The following INPP4B variants were observed in gnomAD, a reference collection of about 807,000 sequenced individuals.
The protein encoded by INPP4B is inositol polyphosphate 4-phosphatase type II.
A neutral mutation model predicts 122.5 loss-of-function variants in INPP4B; 55 were observed. That is an observed-to-expected ratio of 0.45 (90% CI 0.36 to 0.56). INPP4B has a LOEUF of 0.56. INPP4B is among the 20% of genes least tolerant of loss of function. The pLI is 0.00. For missense variants in INPP4B, 1,000 were observed against 1,097.7 expected (o/e 0.91, Z 1.26); for synonymous variants, 403 against 388.7 (o/e 1.04, Z -0.43).
At chr4:142,373,048 T>G (rs1280496365) in intron 7 of INPP4B, among the ~76,000 whole-genome samples, 1 of 152,038 alleles carries the variant, frequency 6.6e-6, no homozygotes, top group East Asian at 1.9e-4. Flanking sequence ...ACTGAATCAT[T>G]TATATTCTAT....
At chr4:142,375,724 T>C (rs1476342706) in intron 7 of INPP4B, among the ~76,000 whole-genome samples, 2 of 151,984 alleles carry the variant, frequency 1.3e-5, no homozygotes, top group Non-Finnish European at 2.9e-5. Context: ...CTTAGAACTT[T>C]TGCATTTATC....
intron 10 of INPP4B, among the ~76,000 whole-genome samples, chr4:142,266,992 T>A (rs995360336): frequency 6.6e-6 from 1 of 152,078 alleles, no homozygotes; most frequent in African/African-American, 2.4e-5. Flanking sequence ...TATAAGTAAA[T>A]TTAACCAAGG....
chr4:142,566,100 C>G (rs905255702), intron 2 of INPP4B: 7 of 152,064 alleles, frequency 4.6e-5, no homozygotes, highest in African/African-American at 1.7e-4. Context: ...GGCCTTCATT[C>G]AGTTCACAAA....
At chr4:142,168,141 C>T (rs145122291) in intron 16 of INPP4B, among the ~76,000 whole-genome samples, 2 of 151,366 alleles carry the variant, frequency 1.3e-5, no homozygotes, top group Non-Finnish European at 3.0e-5. Context: ...TTTTCAGCAA[C>T]TTGATTATGA....
At chr4:142,612,330 A>G (rs1212901799) in intron 2 of INPP4B, among the ~76,000 whole-genome samples, 1 of 152,232 alleles carries the variant, frequency 6.6e-6, no homozygotes, top group Non-Finnish European at 1.5e-5. Context: ...TAGAATAACT[A>G]AGAAAGTAAT....
At chr4:142,284,385 A>G (rs1258551056) in intron 9 of INPP4B, among the ~76,000 whole-genome samples, 1 of 152,200 alleles carries the variant, frequency 6.6e-6, no homozygotes, top group African/African-American at 2.4e-5. Context: ...AACACTAGAC[A>G]GAAGACGAGT....
At chr4:142,439,300 C>T (rs1050890277) in intron 3 of INPP4B, among the ~76,000 whole-genome samples, 1 of 152,146 alleles carries the variant, frequency 6.6e-6, no homozygotes, top group African/African-American at 2.4e-5. Context: ...TAATTCTCCC[C>T]CTTCCGTCTC....
intron 9 of INPP4B, among the ~76,000 whole-genome samples, chr4:142,281,869 T>A (rs1005307832): frequency 6.6e-6 from 1 of 152,032 alleles, no homozygotes; most frequent in African/African-American, 2.4e-5. Flanking sequence ...TGACAACACA[T>A]AATAAAATCA....
chr4:142,255,631 A>C (rs573164256), intron 11 of INPP4B, among the ~76,000 whole-genome samples: 1 of 152,368 alleles, frequency 6.6e-6, no homozygotes, highest in East Asian at 1.9e-4. Flanking sequence ...TGGTAAATGG[A>C]TCAATTCATC....
At chr4:142,769,993 C>CA (rs901228653) in intron 1 of INPP4B, among the ~76,000 whole-genome samples, 3 of 152,096 alleles carry the variant, frequency 2.0e-5, no homozygotes, top group Non-Finnish European at 4.4e-5. Context: ...TACTCATTGA[C>CA]AAATCTGTTT....
At chr4:142,612,704 C>T (rs1429737458) in intron 2 of INPP4B, among the ~76,000 whole-genome samples, 4 of 152,048 alleles carry the variant, frequency 2.6e-5, no homozygotes, top group Non-Finnish European at 5.9e-5. Flanking sequence ...TCCCTGGGGC[C>T]TTTTTTATGA....
intron 1 of INPP4B, chr4:142,766,951 C>T (rs1473714605): frequency 6.6e-6 from 1 of 152,126 alleles, no homozygotes; most frequent in Non-Finnish European, 1.5e-5. Context: ...ACAGTAAGAG[C>T]AGCCACTTTA....
At chr4:142,756,376 CAATT>C (rs1378727438) in intron 1 of INPP4B, among the ~76,000 whole-genome samples, 1 of 151,990 alleles carries the variant, frequency 6.6e-6, no homozygotes, top group Admixed American at 6.6e-5. Context: ...CTAGGTAAGA[CAATT>C]AATCCTCTTA....
chr4:142,697,971 C>A (rs1469650043), intron 2 of INPP4B, among the ~76,000 whole-genome samples: 1 of 152,076 alleles, frequency 6.6e-6, no homozygotes, highest in South Asian at 2.1e-4. Context: ...GAATATTTAA[C>A]AAAACAAGGG....
Position 142,443,480 on chromosome 4 carries a change from G to A in INPP4B, c.-126-12095C>T, listed in dbSNP as rs537235098. On this transcript the variant is annotated intron_variant, in intron 3 of 25. Transcript: ENST00000262992. ...AGGGAGGAGCAGTAAATCTTCCTGG[G>A]ATGACACCACTAGAGATCCTCTGAT... Among the ~76,000 whole-genome samples, 59 of 152,208 alleles carry A rather than the reference G, an allele frequency of 3.9e-4. No individual in the cohort carries two copies. The East Asian group carries it at 0.011, about 27-fold the overall frequency.
At chr4:142,743,084 A>G (rs2150924102) in intron 1 of INPP4B, among the ~76,000 whole-genome samples, 1 of 152,126 alleles carries the variant, frequency 6.6e-6, no homozygotes, top group African/African-American at 2.4e-5. Context: ...TTCTGGCTAT[A>G]ATGGAGTAAC....
intron 25 of INPP4B, among the ~76,000 whole-genome samples, chr4:142,079,041 A>G (rs185191579): frequency 7.2e-5 from 11 of 152,178 alleles, no homozygotes; most frequent in Admixed American, 4.6e-4. Context: ...CTTCTCAATT[A>G]TAATCCATGT....
At chr4:142,440,189 T>A (rs1043269802) in intron 3 of INPP4B, among the ~76,000 whole-genome samples, 1 of 152,168 alleles carries the variant, frequency 6.6e-6, no homozygotes, top group African/African-American at 2.4e-5. Flanking sequence ...CAGAAATAAC[T>A]AACTTAGGAT....
chr4:142,769,379 G>C lies in INPP4B; in HGVS notation c.-253-43478C>G, dbSNP rs1238464179. Among the ~76,000 whole-genome samples, 5 of 152,112 alleles carry C rather than the reference G, an allele frequency of 3.3e-5. 1 individual carries two copies. Among genetic ancestry groups the C allele is most frequent in the Admixed American group, 3.3e-4 (5 of 15,262 alleles). ...CAAGGCACTTTGCAGGATTTTTCTG[G>C]ATCCCCAAGTGAAACCAGACCTTAA... is the stretch of plus-strand genomic sequence containing the variant. On this transcript the variant is annotated intron_variant, in intron 1 of 25. Transcript: ENST00000262992.
Sources: allele counts gnomAD v4.1 joint callset (sites outside exome capture counted in the v4.1 genomes callset), GRCh38; gene constraint gnomAD v4.1.1; transcripts MANE v1.5; gene names NCBI Gene and HGNC (gene_info 2026-07-23, HGNC 2026-07-21).